Variants in PHLDB1 observed in about 807,000 individuals in gnomAD.
The protein encoded by PHLDB1 is pleckstrin homology-like domain family B member 1.
A neutral mutation model predicts 139.3 loss-of-function variants in PHLDB1; 65 were observed. The observed-to-expected ratio is 0.47, with a 90% CI of 0.38 to 0.57. PHLDB1 has a LOEUF of 0.57. PHLDB1 is among the 20% of genes least tolerant of loss of function. PHLDB1 has a pLI of 0.00. For missense variants in PHLDB1, 1,624 were observed against 1,839.7 expected (o/e 0.88, Z 2.14); for synonymous variants, 679 against 734.5 (o/e 0.92, Z 1.22).
chr11:118,640,005 G>A (rs949358249), intron 12 of PHLDB1: 2 of 985,934 alleles, frequency 2.0e-6, no homozygotes, highest in African/African-American at 3.5e-5. Context: ...AGCACAAGAG[G>A]TAATCACAGC....
chr11:118,619,651 A>G (rs1555092762), intron 4 of PHLDB1, among the ~76,000 whole-genome samples: 1 of 150,938 alleles, frequency 6.6e-6, no homozygotes, highest in Non-Finnish European at 1.5e-5. Flanking sequence ...CCGATGAATC[A>G]CTCTTCCTGA....
At chr11:118,643,541 A>G (rs1362878220) in intron 13 of PHLDB1, 1 of 985,218 alleles carries the variant, frequency 1.0e-6, no homozygotes, top group Admixed American at 6.1e-5. Context: ...AAATCCTTGC[A>G]TGGGTCTGTT....
chr11:118,622,536 C>T (rs1026109274), intron 4 of PHLDB1, among the ~76,000 whole-genome samples: 1 of 152,176 alleles, frequency 6.6e-6, no homozygotes, highest in South Asian at 2.1e-4. Flanking sequence ...AGAAAACACA[C>T]AGCTATAGGG....
Position 118,650,241 on chromosome 11 carries a change from G to T in PHLDB1, c.3771+48G>T. ...GGGTGCTGGGGAGAGGGAGAATCCCGTGGTGAGAGGCACCTCCTGGGTCGT... is the reference window on the plus strand; with the variant it reads ...GGGTGCTGGGGAGAGGGAGAATCCCTTGGTGAGAGGCACCTCCTGGGTCGT... On this transcript the variant is annotated intron_variant, in intron 19 of 22. Transcript: ENST00000600882. The surrounding 1 kb of genome is among the most constrained non-coding windows in gnomAD (Gnocchi z 4.7). 7.2e-7 allele frequency: 1 copy of T among 1,389,078 alleles called. No homozygotes were observed. Among genetic ancestry groups the T allele is most frequent in the Non-Finnish European group, 1.0e-6 (1 of 975,008 alleles). 86.0% of individuals were successfully genotyped at this position (1,389,078 alleles called of 1,614,324 possible). A position where few individuals can be genotyped will look rare whatever the true frequency, so the allele number is the denominator to read the frequency against.
chr11:118,617,524 G>C (rs564747470), intron 4 of PHLDB1, among the ~76,000 whole-genome samples: 2 of 152,084 alleles, frequency 1.3e-5, no homozygotes, highest in East Asian at 3.9e-4. Flanking sequence ...GGAGTGCAGT[G>C]GCATGATCTC....
intron 15 of PHLDB1, chr11:118,644,660 C>T (rs1049367374): frequency 4.8e-5 from 62 of 1,289,608 alleles, no homozygotes; most frequent in Non-Finnish European, 5.9e-5. Flanking sequence ...AGTCGCTTCC[C>T]GCCGAGCCCC....
Position 118,645,223 on chromosome 11 carries a change from A to G in PHLDB1, c.3122-133A>G. The G allele has an allele frequency of 1.7e-6, 1 of 591,910 alleles. No homozygotes were observed. Among genetic ancestry groups the G allele is most frequent in the East Asian group, 3.1e-5 (1 of 32,356 alleles). 36.7% of individuals were successfully genotyped at this position (591,910 alleles called of 1,614,324 possible). On this transcript the variant is annotated intron_variant, in intron 15 of 22. Coordinates refer to ENST00000600882, the MANE Select transcript of PHLDB1 (RefSeq NM_001144758.3). The surrounding 1 kb of genome is among the most constrained non-coding windows in gnomAD (Gnocchi z 5.1). The stretch of plus-strand genomic sequence containing the variant: ...CCTGGAGCTGCAGGGGCCTTAGGGA[A>G]GCTGCGGGGAGAGGGGGCTGCTCTG...
rs1389597771 is a variant in PHLDB1, at chr11:118,645,191, A to C, written c.3122-165A>C. ...CAGGCGACTGAAGCATTGGCAGAGC[A>C]GCCAGGCCTGGAGCTGCAGGGGCCT... On this transcript the variant is annotated intron_variant, in intron 15 of 22. Coordinates refer to ENST00000600882, the MANE Select transcript of PHLDB1 (RefSeq NM_001144758.3). The surrounding 1 kb of genome is among the most constrained non-coding windows in gnomAD (Gnocchi z 5.1). 1.9e-6 allele frequency: 1 copy of C among 516,432 alleles called. No individual in the cohort carries two copies. Among genetic ancestry groups the C allele is most frequent in the Non-Finnish European group, 3.3e-6 (1 of 299,092 alleles). The allele number at this position is 516,432 out of a possible 1,614,324, so 32.0% of individuals were successfully genotyped here.
At position 118,650,122 on chromosome 11, in the gene PHLDB1, G is replaced by T; in HGVS notation, c.3700G>T (p.Asp1234Tyr). 1.2e-6 allele frequency: 2 copies of T among 1,614,204 alleles called. No homozygotes were observed. The highest frequency in any genetic ancestry group is 1.1e-5 in the South Asian group (1 of 91,070). The change falls in exon 19 of 23, where the codon GAC becomes TAC. Residue 1234 changes from aspartate (D) to tyrosine (Y), a missense_variant. Transcript: ENST00000600882. The surrounding 1 kb of genome is among the most constrained non-coding windows in gnomAD (Gnocchi z 4.7). ...RYLPIRKEDF[D>Y]LKTHIESSGH... Reference sequence around the variant, plus strand: ...CCTGCCAATCCGGAAGGAGGACTTTGACCTGAAGACACATATTGAGTCATC... The same window carrying T: ...CCTGCCAATCCGGAAGGAGGACTTTTACCTGAAGACACATATTGAGTCATC...
rs1354654389 is a variant in PHLDB1, at chr11:118,631,631, G to A, written c.2100+152G>A. 3.9e-6 allele frequency: 3 copies of A among 768,214 alleles called. No homozygotes were observed. The Admixed American group carries it at 1.0e-4, about 27-fold the overall frequency. 47.6% of individuals were successfully genotyped at this position (768,214 alleles called of 1,614,324 possible). On this transcript the variant is annotated intron_variant, in intron 7 of 22. Transcript: ENST00000600882. Reference sequence around the variant, plus strand: ...AGAGGTGCAGAAATGAGACAAGGAAGAGAAGGGAGGTGTTGATGAGCTTCC... The same window carrying A: ...AGAGGTGCAGAAATGAGACAAGGAAAAGAAGGGAGGTGTTGATGAGCTTCC...
At chr11:118,634,956 C>T (rs1199043248) in intron 9 of PHLDB1, 1 of 457,582 alleles carries the variant, frequency 2.2e-6, no homozygotes, top group Non-Finnish European at 4.4e-6. Flanking sequence ...ACGGAGGCAC[C>T]TGGAGGCCCG....
rs562119472 is a variant in PHLDB1, at chr11:118,612,622, C to T, written c.-21-1194C>T. ...CCGCCAGCTTGGGTGGAAATGGTGA[C>T]GGAGATGATGCAGTCCAGGTCCGGA... On this transcript the variant is annotated intron_variant, in intron 1 of 22. Transcript: ENST00000600882. Among the ~76,000 whole-genome samples the T allele has an allele frequency of 7.2e-5, 11 of 152,240 alleles. No individual in the cohort carries two copies. The South Asian group carries it at 2.1e-3, about 29-fold the overall frequency.
chr11:118,648,269 T>TTGTG lies in PHLDB1; in HGVS notation c.3654+245_3654+248dup, dbSNP rs71041842. Among the ~76,000 whole-genome samples the TTGTG allele has an allele frequency of 8.6e-3, 1,076 of 125,496 alleles. 4 individuals are homozygous for TTGTG. The highest frequency in any genetic ancestry group is 0.016 in the African/African-American group (525 of 31,940). 82.3% of individuals were successfully genotyped at this position (125,496 alleles called of 152,430 possible). On this transcript the variant is annotated intron_variant, in intron 18 of 22. Transcript: ENST00000600882. ...AACAGACCCACCAGGACTATTCAAG[T>TTGTG]TGTGTGTGTGTGTGTGTGTGTGTGT... is the stretch of plus-strand genomic sequence containing the variant.
chr11:118,645,949 G>A lies in PHLDB1; in HGVS notation c.3507+124G>A, dbSNP rs1947425260. The A allele has an allele frequency of 1.4e-6, 1 of 726,514 alleles. No homozygotes were observed. Among genetic ancestry groups the A allele is most frequent in the South Asian group, 1.5e-5 (1 of 67,386 alleles). The allele number at this position is 726,514 out of a possible 1,614,324, so 45.0% of individuals were successfully genotyped here. On this transcript the variant is annotated intron_variant, in intron 17 of 22. Transcript: ENST00000600882. The surrounding 1 kb of genome is among the most constrained non-coding windows in gnomAD (Gnocchi z 5.1). Reference sequence around the variant, plus strand: ...CATTAGCCTTGCCACATTCCCTTGGGGTAGAAAATGTTTTAAAAGGTTGTA... The same window carrying A: ...CATTAGCCTTGCCACATTCCCTTGGAGTAGAAAATGTTTTAAAAGGTTGTA...
chr11:118,621,470 C>G (rs1162526379), intron 4 of PHLDB1: 1 of 152,196 alleles, frequency 6.6e-6, no homozygotes. Context: ...CTCAAAGGCT[C>G]CGGGCGGGCC....
intron 5 of PHLDB1, 58 bp from the exon 6 acceptor site, chr11:118,627,247 T>C: frequency 6.4e-7 from 1 of 1,565,794 alleles, no homozygotes; most frequent in Non-Finnish European, 8.7e-7. Context: ...GGGCTAGTGC[T>C]CTGGCTTTTA....
intron 12 of PHLDB1, 120 bp from the exon 13 acceptor site, chr11:118,642,134 C>T: frequency 1.1e-6 from 1 of 949,110 alleles, no homozygotes; most frequent in Non-Finnish European, 1.7e-6. Flanking sequence ...CTTCCCCTTC[C>T]TTCTTCCTCT....
chr11:118,627,703 C>G lies in PHLDB1; in HGVS notation c.880C>G (p.Leu294Val), dbSNP rs1555103677. The change falls in exon 6 of 23, where the codon CTG (leucine) becomes GTG (valine). Residue 294 changes from leucine (L) to valine (V), a missense_variant. By Grantham distance (32) the Leu-to-Val change is conservative. Coordinates refer to ENST00000600882, the MANE Select transcript of PHLDB1 (RefSeq NM_001144758.3). ...LVPARSSSYH[L>V]ALQPPQSRPS... is the part of the protein sequence containing the mutation. Reference sequence around the variant, plus strand: ...ACCTGCCCGTTCCTCCAGCTACCATCTGGCCCTACAGCCCCCACAGTCCCG... The same window carrying G: ...ACCTGCCCGTTCCTCCAGCTACCATGTGGCCCTACAGCCCCCACAGTCCCG... 6.2e-7 allele frequency: 1 copy of G among 1,610,534 alleles called. No individual in the cohort carries two copies. Among genetic ancestry groups the G allele is most frequent in the Admixed American group, 1.7e-5 (1 of 60,022 alleles).
rs187917066 is a variant in PHLDB1 at position 118,642,471 on chromosome 11, C to T, written c.2877+77C>T. On this transcript the variant is annotated intron_variant, in intron 13 of 22. Transcript: ENST00000600882. ...TGATACCTCCTGCCAATCCATCAGC[C>T]ACACAGTACCACCTTGAGTGGAGGC... The T allele has an allele frequency of 6.1e-6, 9 of 1,482,244 alleles. No individual in the cohort carries two copies. The East Asian group carries it at 2.0e-4, about 34-fold the overall frequency. 91.8% of individuals were successfully genotyped at this position (1,482,244 alleles called of 1,614,324 possible).
Sources: gnomAD v4.1 joint callset for allele counts (sites outside exome capture counted in the v4.1 genomes callset) on GRCh38, gnomAD v4.1.1 for gene constraint, Gnocchi (gnomAD v3.1) non-coding constraint, MANE v1.5 for transcripts, NCBI Gene and HGNC (gene_info 2026-07-23, HGNC 2026-07-21) for gene names.